The following PDE8B variants were observed in gnomAD, a reference collection of about 807,000 sequenced individuals.
PDE8B encodes high affinity cAMP-specific and IBMX-insensitive 3',5'-cyclic phosphodiesterase 8B.
In PDE8B, 26 loss-of-function variants were observed where a neutral mutation model predicts 101.3. The ratio of observed to expected loss-of-function variants is 0.26; its 90% CI spans 0.19 to 0.36. PDE8B has a LOEUF of 0.36. Among genes scored for constraint, PDE8B ranks in the 10% least tolerant of loss-of-function variants. The pLI, the probability that PDE8B is intolerant of heterozygous loss-of-function variation, is 1.00. For missense variants in PDE8B, 810 were observed against 1,163.1 expected (o/e 0.70, Z 4.42); for synonymous variants, 424 against 429.3 (o/e 0.99, Z 0.15).
chr5:77,425,637 G>A (rs1343957748), intron 20 of PDE8B, 130 bp from the exon 21 acceptor site: 14 of 901,828 alleles, frequency 1.6e-5, no homozygotes, highest in Non-Finnish European at 2.4e-5. Context: ...TGAGGACCTT[G>A]CTGAGCCTAT....
chr5:77,290,651 T>A, intron 1 of PDE8B: 1 of 1,508,708 alleles, frequency 6.6e-7, no homozygotes, highest in Non-Finnish European at 9.2e-7. Context: ...TCTGTGACTA[T>A]GCTGTTGGTT....
chr5:77,382,454 C>A (rs929068679), intron 10 of PDE8B, among the ~76,000 whole-genome samples: 7 of 152,106 alleles, frequency 4.6e-5, no homozygotes, highest in African/African-American at 1.7e-4. Flanking sequence ...AATTATACTT[C>A]AAGTTCTGGG....
At chr5:77,174,272 C>T in the PDE8B span, among the ~76,000 whole-genome samples, 1 of 152,152 alleles carries the variant, frequency 6.6e-6, no homozygotes, top group Non-Finnish European at 1.5e-5. Context: ...TCTTGCCCAC[C>T]CTGTCTCTGT....
At chr5:77,094,527 A>C in the PDE8B span, among the ~76,000 whole-genome samples, 3 of 152,078 alleles carry the variant, frequency 2.0e-5, no homozygotes, top group Non-Finnish European at 2.9e-5. Context: ...GCTGGTCTTG[A>C]ACTCCTGGGC....
At chr5:77,124,210 A>G in the PDE8B span, among the ~76,000 whole-genome samples, 1 of 152,234 alleles carries the variant, frequency 6.6e-6, no homozygotes, top group Non-Finnish European at 1.5e-5. Flanking sequence ...TATGAAGAAC[A>G]GTCAAGAGAA....
chr5:77,392,580 T>C (rs1790168299), intron 10 of PDE8B, among the ~76,000 whole-genome samples: 1 of 152,154 alleles, frequency 6.6e-6, no homozygotes, highest in African/African-American at 2.4e-5. Flanking sequence ...AATAGATAAT[T>C]TGGGAATCTT....
Position 77,211,327 on chromosome 5 carries a change from G to C in PDE8B, c.339+63G>C. On this transcript the variant is annotated intron_variant, in intron 1 of 21. Transcript: ENST00000264917. The surrounding 1 kb of genome is among the most constrained non-coding windows in gnomAD (Gnocchi z 4.1). The stretch of plus-strand genomic sequence containing the variant: ...CCGCCCCGTCGGCGGGGCTCGCACG[G>C]GTAGGGGGCTCCGGCGGAGTTGGGT... 6.8e-7 allele frequency: 1 copy of C among 1,462,506 alleles called. No individual in the cohort carries two copies. Among genetic ancestry groups the C allele is most frequent in the Non-Finnish European group, 9.1e-7 (1 of 1,097,540 alleles). The allele number at this position is 1,462,506 out of a possible 1,614,324, so 90.6% of individuals were successfully genotyped here.
In PDE8B at chr5:77,225,870, ACACACACACACCCCACG is replaced by A. The variant is rs1377215064; in HGVS notation, c.339+14613_339+14629del. Among the ~76,000 whole-genome samples the A allele has an allele frequency of 4.1e-3, 602 of 145,564 alleles. 3 individuals carry two copies. Among genetic ancestry groups the A allele is most frequent in the African/African-American group, 0.015 (565 of 38,624 alleles). Reference sequence around the variant, plus strand: ...CGTGCACACACACACACACACACACACACACACACACCCCACGCACACATCTCAGAATACCAGTGATC... The same window carrying A: ...CGTGCACACACACACACACACACACACACACATCTCAGAATACCAGTGATC... On this transcript the variant is annotated intron_variant, in intron 1 of 21. Coordinates refer to ENST00000264917, the MANE Select transcript of PDE8B (RefSeq NM_003719.5).
At chr5:77,205,324 A>G in the PDE8B span, among the ~76,000 whole-genome samples, 1 of 152,222 alleles carries the variant, frequency 6.6e-6, no homozygotes, top group Non-Finnish European at 1.5e-5. Flanking sequence ...TGATGCACCT[A>G]TAGTTTAAAA....
chr5:77,117,330 G>A, the PDE8B span, among the ~76,000 whole-genome samples: 1 of 152,186 alleles, frequency 6.6e-6, no homozygotes, highest in African/African-American at 2.4e-5. Flanking sequence ...GAGAAGAAGT[G>A]TACTTCCCCT....
intron 8 of PDE8B, among the ~76,000 whole-genome samples, chr5:77,350,513 C>T (rs1304771823): frequency 6.6e-6 from 1 of 152,108 alleles, no homozygotes; most frequent in Non-Finnish European, 1.5e-5. Context: ...AACCAATACT[C>T]TCCCCTTGGC....
At chr5:77,403,995 G>T (rs2170021) in intron 11 of PDE8B, among the ~76,000 whole-genome samples, 72,908 of 150,746 alleles carry the variant, frequency 0.48, 19,829 homozygotes, top group African/African-American at 0.74. Flanking sequence ...ATTTTTTGTT[G>T]GTTTTTTTGA....
intron 1 of PDE8B, among the ~76,000 whole-genome samples, chr5:77,256,176 C>T (rs1218319430): frequency 6.6e-6 from 1 of 152,096 alleles, no homozygotes; most frequent in African/African-American, 2.4e-5. Context: ...ACAAAACAAA[C>T]AATATGCGGG....
chr5:77,420,991 A>C (rs1796525323), intron 19 of PDE8B, among the ~76,000 whole-genome samples: 1 of 152,188 alleles, frequency 6.6e-6, no homozygotes, highest in Non-Finnish European at 1.5e-5. Context: ...CTGGAGACCT[A>C]ATTGTTTTTA....
At chr5:77,226,301 T>G (rs1752380819) in intron 1 of PDE8B, among the ~76,000 whole-genome samples, 1 of 152,234 alleles carries the variant, frequency 6.6e-6, no homozygotes, top group Non-Finnish European at 1.5e-5. Context: ...TTCATACCAT[T>G]GTTTAAAATA....
At chr5:77,291,696 G>A (rs1767384190) in intron 1 of PDE8B, 2 of 1,594,882 alleles carry the variant, frequency 1.3e-6, no homozygotes, top group East Asian at 4.5e-5. Context: ...CACTGGTGGT[G>A]GCAGGGAATC....
intron 10 of PDE8B, among the ~76,000 whole-genome samples, chr5:77,372,354 G>A (rs1299746179): frequency 6.6e-6 from 1 of 152,204 alleles, no homozygotes; most frequent in East Asian, 1.9e-4. Context: ...CATCTATTTA[G>A]GATGGAATCT....
At chr5:77,134,836 C>T in the PDE8B span, among the ~76,000 whole-genome samples, 1 of 152,200 alleles carries the variant, frequency 6.6e-6, no homozygotes, top group African/African-American at 2.4e-5. Context: ...GCTATAGTTC[C>T]TCCCATTAAC....
chr5:77,422,729 T>C (rs1403210278), intron 20 of PDE8B, among the ~76,000 whole-genome samples: 1 of 134,274 alleles, frequency 7.4e-6, no homozygotes, highest in Non-Finnish European at 1.7e-5. Flanking sequence ...GATGGGTGTG[T>C]GGGTGACAAA....
Sources: allele counts gnomAD v4.1 joint callset (sites outside exome capture counted in the v4.1 genomes callset), GRCh38; gene constraint gnomAD v4.1.1; non-coding constraint Gnocchi (gnomAD v3.1); transcripts MANE v1.5; gene names NCBI Gene and HGNC (gene_info 2026-07-23, HGNC 2026-07-21).